Variants in GALNT18 observed in about 807,000 individuals in gnomAD.
GALNT18 encodes the protein polypeptide N-acetylgalactosaminyltransferase 18.
Under a neutral mutation model 69.5 loss-of-function variants are expected in GALNT18, and 44 were observed. The observed-to-expected ratio is 0.63, with a 90% confidence interval of 0.50 to 0.81. The LOEUF is 0.81. Ranked by LOEUF, GALNT18 falls within the 40% of genes least tolerant of loss-of-function variation. The pLI, the probability that GALNT18 is intolerant of heterozygous loss-of-function variation, is 0.00. For synonymous variants in GALNT18, 364 were observed against 318.2 expected, an observed-to-expected ratio of 1.14 and a Z score of -1.53; for missense variants, 715 against 810.0, an observed-to-expected ratio of 0.88 and a Z score of 1.42.
At chr11:11,451,852 A>G (rs1319596325) in intron 1 of GALNT18, among the ~76,000 whole-genome samples, 1 of 152,254 alleles carries the variant, frequency 6.6e-6, no homozygotes, top group Non-Finnish European at 1.5e-5. Flanking sequence ...TGTCAGTGAC[A>G]TCGAATAAAG....
In GALNT18 at chr11:11,564,019, G is replaced by C. The variant is rs1170569967; in HGVS notation, c.235+57340C>G. Among the ~76,000 whole-genome samples, 3 of 152,106 alleles carry C rather than the reference G, an allele frequency of 2.0e-5. No homozygotes were observed. Among genetic ancestry groups the C allele is most frequent in the African/African-American group, 7.2e-5 (3 of 41,382 alleles). ...CCTAAAAACCAGCAACGATCAACTAGATGCTGATTACTAGTGAGGCACCAT... is the reference window on the plus strand; with the variant it reads ...CCTAAAAACCAGCAACGATCAACTACATGCTGATTACTAGTGAGGCACCAT... On this transcript the variant is annotated intron_variant, in intron 1 of 10. Coordinates refer to ENST00000227756, the MANE Select transcript of GALNT18 (RefSeq NM_198516.3). This position sits in a 1 kb window ranked among gnomAD's most constrained non-coding sequence, Gnocchi z 4.3.
At chr11:11,353,659 G>A (rs974574789) in intron 6 of GALNT18, among the ~76,000 whole-genome samples, 15 of 152,110 alleles carry the variant, frequency 9.9e-5, no homozygotes, top group Non-Finnish European at 2.2e-4. Flanking sequence ...TGGCTCATTA[G>A]CATGTCCCAG....
At chr11:11,335,911 A>C (rs1466777775) in intron 7 of GALNT18, among the ~76,000 whole-genome samples, 1 of 152,156 alleles carries the variant, frequency 6.6e-6, no homozygotes, top group Non-Finnish European at 1.5e-5. Flanking sequence ...TGAATGTTAG[A>C]CTTCTGGCTT....
At chr11:11,292,979 C>G (rs773762313) in intron 10 of GALNT18, 50 bp downstream of exon 10, 1 of 1,337,400 alleles carries the variant, frequency 7.5e-7, no homozygotes, top group East Asian at 2.8e-5. Context: ...AGGCCACTCT[C>G]CTGGTTTTCC....
chr11:11,453,852 A>C (rs1424136828), intron 1 of GALNT18, among the ~76,000 whole-genome samples: 1 of 152,156 alleles, frequency 6.6e-6, no homozygotes, highest in Admixed American at 6.5e-5. Flanking sequence ...TTTCTTTATA[A>C]ATTACCCAGT....
chr11:11,464,967 T>C (rs373168098), intron 1 of GALNT18, among the ~76,000 whole-genome samples: 1 of 152,212 alleles, frequency 6.6e-6, no homozygotes, highest in Non-Finnish European at 1.5e-5. Flanking sequence ...GGTCAGGTGC[T>C]GGGCTGGGAG....
chr11:11,438,362 G>A (rs537199853), intron 2 of GALNT18, among the ~76,000 whole-genome samples: 2 of 152,244 alleles, frequency 1.3e-5, no homozygotes, highest in South Asian at 4.1e-4. Flanking sequence ...TAGCCTCTGG[G>A]GCTAAGAGAC....
chr11:11,307,753 C>T (rs542297695), intron 9 of GALNT18, among the ~76,000 whole-genome samples: 1 of 152,196 alleles, frequency 6.6e-6, no homozygotes, highest in Admixed American at 6.5e-5. Flanking sequence ...CTTGACCCCC[C>T]CAAGGTCACT....
At chr11:11,567,409 G>C (rs969575233) in intron 1 of GALNT18, among the ~76,000 whole-genome samples, 1 of 152,092 alleles carries the variant, frequency 6.6e-6, no homozygotes, top group Non-Finnish European at 1.5e-5. Flanking sequence ...TTGGAGGCTC[G>C]GTATCTTAAG....
intron 1 of GALNT18, among the ~76,000 whole-genome samples, chr11:11,559,634 G>A (rs1160928529): frequency 1.3e-5 from 1 of 77,136 alleles, no homozygotes; most frequent in Non-Finnish European, 2.5e-5. Context: ...GAGACATGAT[G>A]GGATGGGATG....
rs556582450 is a variant in GALNT18 at position 11,320,649 on chromosome 11, G to A, written c.1512+6437C>T. 5.3e-5 allele frequency among the ~76,000 whole-genome samples: 8 copies of A among 152,268 alleles called. No individual in the cohort carries two copies. The highest frequency in any genetic ancestry group is 1.9e-4 in the African/African-American group (8 of 41,544). On this transcript the variant is annotated intron_variant, in intron 9 of 10. Transcript: ENST00000227756. The surrounding 1 kb of genome is among the most constrained non-coding windows in gnomAD (Gnocchi z 4.9). ...ATGAGCAGTGAACTTCTTGCGGGCT[G>A]GAAGATGACTTTGGGAAGCCTTGCC...
chr11:11,272,536 G>C (rs1848849400), intron 10 of GALNT18, among the ~76,000 whole-genome samples: 1 of 152,156 alleles, frequency 6.6e-6, no homozygotes, highest in African/African-American at 2.4e-5. Context: ...TCCTTCCCCA[G>C]CTCCATGACT....
At chr11:11,445,677 C>T (rs768008851) in intron 2 of GALNT18, among the ~76,000 whole-genome samples, 8 of 152,220 alleles carry the variant, frequency 5.3e-5, no homozygotes, top group Non-Finnish European at 8.8e-5. Flanking sequence ...GAGAACCCTC[C>T]ACTGTTAAAG....
intron 1 of GALNT18, among the ~76,000 whole-genome samples, chr11:11,611,518 G>A (rs1859899594): frequency 6.6e-6 from 1 of 152,164 alleles, no homozygotes; most frequent in African/African-American, 2.4e-5. Flanking sequence ...GTTGCTAGGA[G>A]TTATCATGGA....
rs533046418 is a variant in GALNT18 at position 11,479,394 on chromosome 11, G to A, written c.236-30458C>T. On this transcript the variant is annotated intron_variant, in intron 1 of 10. Coordinates refer to ENST00000227756, the MANE Select transcript of GALNT18 (RefSeq NM_198516.3). ...AATATAAGGCAGCCAAATCCTTATC[G>A]ACTATAATAAGAAATCAATACATAA... is the stretch of plus-strand genomic sequence containing the variant. 9.2e-5 allele frequency among the ~76,000 whole-genome samples: 14 copies of A among 152,250 alleles called. No homozygotes were observed. In the South Asian group the frequency reaches 2.7e-3, roughly 29 times the overall value.
chr11:11,554,783 C>T (rs993748622), intron 1 of GALNT18, among the ~76,000 whole-genome samples: 2 of 152,128 alleles, frequency 1.3e-5, no homozygotes, highest in Non-Finnish European at 2.9e-5. Context: ...CAGCTCTCCC[C>T]TAGACACTCT....
At chr11:11,557,303 G>A (rs575232040) in intron 1 of GALNT18, among the ~76,000 whole-genome samples, 316 of 152,248 alleles carry the variant, frequency 2.1e-3, no homozygotes, top group Non-Finnish European at 3.6e-3. Context: ...TTGCTCTAAG[G>A]TAGTACCCGC....
intron 8 of GALNT18, among the ~76,000 whole-genome samples, chr11:11,327,562 T>G (rs1849945102): frequency 6.6e-6 from 1 of 152,142 alleles, no homozygotes; most frequent in Non-Finnish European, 1.5e-5. Flanking sequence ...GGCAACATCT[T>G]AGCTATTTTC....
At chr11:11,273,248 CAAAGT>C (rs138968085) in intron 10 of GALNT18, among the ~76,000 whole-genome samples, 53,366 of 151,452 alleles carry the variant, frequency 0.35, 10,302 homozygotes, top group Non-Finnish European at 0.45. Context: ...AGGAAACAAT[CAAAGT>C]AAAGAGACAG....
Sources: allele counts gnomAD v4.1 joint callset (sites outside exome capture counted in the v4.1 genomes callset), GRCh38; gene constraint gnomAD v4.1.1; non-coding constraint Gnocchi (gnomAD v3.1); transcripts MANE v1.5; gene names NCBI Gene and HGNC (gene_info 2026-07-23, HGNC 2026-07-21).